Variants in RAPGEF4 observed in about 807,000 individuals in gnomAD.
RAPGEF4 encodes RAP guanine-nucleotide-exchange factor (GEF) 4.
RAPGEF4 carries 66 observed loss-of-function variants against 147.9 expected under a neutral mutation model. That is an observed-to-expected ratio of 0.45 (90% CI 0.37 to 0.55). The LOEUF (loss-of-function observed/expected upper bound fraction) is 0.55, where lower values mean the gene tolerates loss of function less well. RAPGEF4 is among the 20% of genes least tolerant of loss of function. The pLI is 0.00. For missense variants in RAPGEF4, 1,071 were observed against 1,257.3 expected, an observed-to-expected ratio of 0.85 and a Z score of 2.24; for synonymous variants, 419 against 442.7, an observed-to-expected ratio of 0.95 and a Z score of 0.67.
rs552173153 is a variant in RAPGEF4 at position 172,830,711 on chromosome 2, C to T, written c.444+16286C>T. The stretch of plus-strand genomic sequence containing the variant: ...CTTGACCTCCTGGGCTCTAAAGATC[C>T]TCCCACCTTAGCCTCCTGTGTAGCC... On this transcript the variant is annotated intron_variant, in intron 4 of 30. Transcript: ENST00000397081. 1.8e-3 allele frequency among the ~76,000 whole-genome samples: 273 copies of T among 152,322 alleles called. 1 individual carries two copies. Among genetic ancestry groups the T allele is most frequent in the African/African-American group, 6.3e-3 (263 of 41,576 alleles).
chr2:173,011,131 G>C (rs1269391441), intron 17 of RAPGEF4, among the ~76,000 whole-genome samples: 1 of 150,204 alleles, frequency 6.7e-6, no homozygotes, highest in Non-Finnish European at 1.5e-5. Flanking sequence ...TAAACATGCT[G>C]AATCAGCTGC....
chr2:172,917,233 T>G (rs1684164761), intron 4 of RAPGEF4, among the ~76,000 whole-genome samples: 1 of 152,196 alleles, frequency 6.6e-6, no homozygotes, highest in Non-Finnish European at 1.5e-5. Context: ...TAAATTAAGC[T>G]AAACTATTTT....
At position 173,018,701 on chromosome 2, in the gene RAPGEF4, G is replaced by A. The variant is rs776601135; in HGVS notation, c.2054G>A (p.Arg685Gln). The A allele has an allele frequency of 4.3e-6, 7 of 1,613,978 alleles. No homozygotes were observed. Among genetic ancestry groups the A allele is most frequent in the Middle Eastern group, 1.6e-4 (1 of 6,062 alleles). The stretch of plus-strand genomic sequence containing the variant: ...ATGGACCACACCTACACAACCATTC[G>A]GGTGCCAGTGGCCACTTCGGTGAAG... ...YCMDHTYTTI[R>Q]VPVATSVKEV... The change falls in exon 22 of 31, where the codon CGG (arginine) becomes CAG (glutamine). Residue 685 changes from arginine to glutamine, a missense_variant. Physicochemically the swap from Arg to Gln is conservative, Grantham distance 43. Coordinates refer to ENST00000397081, the MANE Select transcript of RAPGEF4 (RefSeq NM_007023.4).
chr2:172,866,756 C>G lies in RAPGEF4; in HGVS notation c.445-51046C>G, dbSNP rs1391706181. 2.6e-5 allele frequency among the ~76,000 whole-genome samples: 4 copies of G among 152,016 alleles called. No individual in the cohort carries two copies. In the East Asian group the frequency reaches 7.7e-4, roughly 29 times the overall value. On this transcript the variant is annotated intron_variant, in intron 4 of 30. Transcript: ENST00000397081. ...TGAATTACCCTTCTGTTACAAAAAA[C>G]CTCTCTCAAACATGTTCTATCACTA...
At chr2:173,022,497 T>C (rs1441602668) in intron 23 of RAPGEF4, among the ~76,000 whole-genome samples, 1 of 152,230 alleles carries the variant, frequency 6.6e-6, no homozygotes, top group Admixed American at 6.5e-5. Flanking sequence ...TTTCTAAAGA[T>C]TCCCTTTGAG....
At chr2:172,921,966 G>C (rs142752817) in intron 5 of RAPGEF4, among the ~76,000 whole-genome samples, 273 of 152,318 alleles carry the variant, frequency 1.8e-3, no homozygotes, top group Non-Finnish European at 3.0e-3. Flanking sequence ...GCCTAAATCA[G>C]TGGAATTAGT....
intron 4 of RAPGEF4, among the ~76,000 whole-genome samples, chr2:172,879,435 G>T (rs1190477975): frequency 6.6e-6 from 1 of 152,150 alleles, no homozygotes; most frequent in African/African-American, 2.4e-5. Context: ...CCAAACCGTT[G>T]ACAGTGCAGC....
chr2:172,792,782 C>T (rs1685954893), intron 1 of RAPGEF4, among the ~76,000 whole-genome samples: 1 of 152,194 alleles, frequency 6.6e-6, no homozygotes, highest in Non-Finnish European at 1.5e-5. Flanking sequence ...TCTGGCCTAG[C>T]TAGTCTTGAC....
intron 4 of RAPGEF4, chr2:172,917,529 C>T: frequency 1.5e-6 from 1 of 654,404 alleles, no homozygotes; most frequent in Admixed American, 1.9e-5. Context: ...TGCTAAATAT[C>T]CCACACAATT....
intron 4 of RAPGEF4, among the ~76,000 whole-genome samples, chr2:172,876,075 T>C (rs940916578): frequency 3.9e-5 from 6 of 152,196 alleles, no homozygotes; most frequent in Non-Finnish European, 7.3e-5. Flanking sequence ...AGAATGCTTG[T>C]GATTTTTGCA....
chr2:172,919,556 G>T (rs74833166), intron 5 of RAPGEF4, among the ~76,000 whole-genome samples: 10 of 151,896 alleles, frequency 6.6e-5, no homozygotes, highest in African/African-American at 2.4e-4. Context: ...GAAGAGTTTA[G>T]CCATGGCTTC....
chr2:172,877,114 C>A (rs1456898628), intron 4 of RAPGEF4, among the ~76,000 whole-genome samples: 2 of 152,112 alleles, frequency 1.3e-5, no homozygotes, highest in Non-Finnish European at 2.9e-5. Context: ...GGAACAAACC[C>A]AAATGCCCAT....
intron 1 of RAPGEF4, among the ~76,000 whole-genome samples, chr2:172,737,708 GA>G (rs11319302): frequency 0.1 from 14,158 of 139,420 alleles, 701 homozygotes; most frequent in South Asian, 0.16. Context: ...AAAAATCTAG[GA>G]AAAAAAAAAA....
At chr2:172,817,942 T>TAA (rs1688674343) in intron 4 of RAPGEF4, among the ~76,000 whole-genome samples, 4 of 147,096 alleles carry the variant, frequency 2.7e-5, no homozygotes, top group Non-Finnish European at 6.0e-5. Context: ...ATTATATATA[T>TAA]AATGTATATT....
rs563851045 is a variant in RAPGEF4, at chr2:172,964,081, A to G, written c.699-1481A>G. Reference sequence around the variant, plus strand: ...TTAAAAGCCAAATGAAATTGATTTTATGTATTTTTACATGATTTTTACGAT... The same window carrying G: ...TTAAAAGCCAAATGAAATTGATTTTGTGTATTTTTACATGATTTTTACGAT... On this transcript the variant is annotated intron_variant, in intron 8 of 30. Coordinates refer to ENST00000397081, the MANE Select transcript of RAPGEF4 (RefSeq NM_007023.4). Among the ~76,000 whole-genome samples the G allele has an allele frequency of 5.9e-5, 9 of 152,342 alleles. No individual in the cohort carries two copies. In the East Asian group the frequency reaches 7.7e-4, roughly 13 times the overall value.
At chr2:172,918,054 A>G in intron 5 of RAPGEF4, 180 bp downstream of exon 5, 1 of 752,144 alleles carries the variant, frequency 1.3e-6, no homozygotes, top group Non-Finnish European at 2.4e-6. Context: ...ATATAGTATT[A>G]GTCTGTGGTC....
chr2:172,884,881 A>G (rs1277333150), intron 4 of RAPGEF4, among the ~76,000 whole-genome samples: 1 of 152,188 alleles, frequency 6.6e-6, no homozygotes, highest in Non-Finnish European at 1.5e-5. Flanking sequence ...AATCATTTGC[A>G]TTTGCCTTGA....
chr2:172,871,250 G>A (rs575603652), intron 4 of RAPGEF4, among the ~76,000 whole-genome samples: 1 of 152,296 alleles, frequency 6.6e-6, no homozygotes, highest in South Asian at 2.1e-4. Context: ...TGCTCAAAGG[G>A]AAAACTTTTG....
chr2:172,933,672 T>C (rs1348257935), intron 6 of RAPGEF4, among the ~76,000 whole-genome samples: 1 of 152,232 alleles, frequency 6.6e-6, no homozygotes, highest in African/African-American at 2.4e-5. Flanking sequence ...AAGAATTTTA[T>C]CAGGTTTGTT....
Sources: allele counts gnomAD v4.1 joint callset (sites outside exome capture counted in the v4.1 genomes callset), GRCh38; gene constraint gnomAD v4.1.1; transcripts MANE v1.5; gene names NCBI Gene and HGNC (gene_info 2026-07-23, HGNC 2026-07-21).